Variants in HCN1 observed in about 807,000 individuals in gnomAD.
The protein encoded by HCN1 is potassium/sodium hyperpolarization-activated cyclic nucleotide-gated channel 1.
HCN1 carries 13 observed loss-of-function variants against 78.9 expected under a neutral mutation model. The ratio of observed to expected loss-of-function variants is 0.16; its 90% CI spans 0.11 to 0.26. The LOEUF (loss-of-function observed/expected upper bound fraction) is 0.26. Ranked by LOEUF, HCN1 falls within the 10% of genes least tolerant of loss-of-function variation. The pLI is 1.00. For synonymous variants in HCN1, 552 were observed against 455.5 expected, an observed-to-expected ratio of 1.21 and a Z score of -2.70; for missense variants, 810 against 1,154.3, an observed-to-expected ratio of 0.70 and a Z score of 4.32.
chr5:45,312,732 C>A (rs1561100552), intron 5 of HCN1, among the ~76,000 whole-genome samples: 2 of 152,194 alleles, frequency 1.3e-5, no homozygotes, highest in African/African-American at 4.8e-5. Context: ...CCGCACCTGG[C>A]TCAGGGGGTC....
chr5:45,688,847 G>GA (rs1437191302), intron 1 of HCN1, among the ~76,000 whole-genome samples: 9 of 151,964 alleles, frequency 5.9e-5, no homozygotes, highest in African/African-American at 2.2e-4. Context: ...AATGAACCTT[G>GA]AAAAAACATT....
intron 2 of HCN1, among the ~76,000 whole-genome samples, chr5:45,635,300 A>G (rs753443799): frequency 9.9e-5 from 15 of 152,054 alleles, no homozygotes; most frequent in Non-Finnish European, 2.1e-4. Context: ...CCTGATTCTC[A>G]TTTCAGAATT....
intron 4 of HCN1, among the ~76,000 whole-genome samples, chr5:45,381,280 T>C (rs1747802188): frequency 6.6e-6 from 1 of 152,096 alleles, no homozygotes; most frequent in African/African-American, 2.4e-5. Flanking sequence ...CGATATAAGA[T>C]AGGAAAACAA....
intron 4 of HCN1, among the ~76,000 whole-genome samples, chr5:45,374,206 CATAT>C: frequency 1.1e-5 from 1 of 93,644 alleles, no homozygotes; most frequent in African/African-American, 3.8e-5. Context: ...ATATACATAA[CATAT>C]ATATTATGTA....
chr5:45,440,371 T>C (rs986353805), intron 3 of HCN1, among the ~76,000 whole-genome samples: 4 of 151,962 alleles, frequency 2.6e-5, no homozygotes, highest in Non-Finnish European at 4.4e-5. Context: ...GTGAATAATT[T>C]CCCCCCTAGA....
chr5:45,458,021 A>G (rs1359352361), intron 3 of HCN1, among the ~76,000 whole-genome samples: 1 of 152,138 alleles, frequency 6.6e-6, no homozygotes, highest in East Asian at 1.9e-4. Context: ...ATTTAAATAA[A>G]AACTTTAATG....
rs139106188 is a variant in HCN1 at position 45,295,483 on chromosome 5, T to A, written c.1618+8116A>T. Among the ~76,000 whole-genome samples, 432 of 152,102 alleles carry A rather than the reference T, an allele frequency of 2.8e-3. 3 individuals carry two copies. Among genetic ancestry groups the A allele is most frequent in the Non-Finnish European group, 4.0e-3 (270 of 67,946 alleles). On this transcript the variant is annotated intron_variant, in intron 6 of 7. Coordinates refer to ENST00000303230, the MANE Select transcript of HCN1 (RefSeq NM_021072.4). ...TACGTAAGACCTCTGCTAAGAAGAC[T>A]GGATGAGGTGGTGCATGAGTCACAT...
chr5:45,281,139 T>C (rs1436768708), intron 6 of HCN1, among the ~76,000 whole-genome samples: 1 of 152,128 alleles, frequency 6.6e-6, no homozygotes, highest in African/African-American at 2.4e-5. Flanking sequence ...GTTGATATGG[T>C]TTGGCTCTGT....
intron 6 of HCN1, among the ~76,000 whole-genome samples, chr5:45,297,951 A>C (rs1745532683): frequency 6.6e-6 from 1 of 150,740 alleles, no homozygotes; most frequent in African/African-American, 2.5e-5. Context: ...GCTGTAATGA[A>C]GGATAACTTT....
intron 2 of HCN1, among the ~76,000 whole-genome samples, chr5:45,613,946 G>T (rs1448067929): frequency 2.6e-5 from 4 of 151,934 alleles, no homozygotes; most frequent in African/African-American, 9.7e-5. Context: ...AGTGTAGGGA[G>T]AAATGGTTAC....
chr5:45,475,683 A>C (rs571021504), intron 2 of HCN1, among the ~76,000 whole-genome samples: 1 of 152,264 alleles, frequency 6.6e-6, no homozygotes, highest in East Asian at 1.9e-4. Context: ...TTTTCTGCTA[A>C]ATTCAGCATT....
chr5:45,375,778 T>A (rs1445830990), intron 4 of HCN1, among the ~76,000 whole-genome samples: 1 of 104,024 alleles, frequency 9.6e-6, no homozygotes, highest in Non-Finnish European at 1.8e-5. Context: ...ATATCTTATA[T>A]ATAATATAAT....
In HCN1 at chr5:45,309,690, C is replaced by T. The variant is rs576690054; in HGVS notation, c.1378-5851G>A. Among the ~76,000 whole-genome samples the T allele has an allele frequency of 1.7e-3, 253 of 152,146 alleles. 2 individuals are homozygous for T. The highest frequency in any genetic ancestry group is 5.4e-3 in the African/African-American group (224 of 41,510). Reference sequence around the variant, plus strand: ...ATTTATTGATTTGTGTATGTTGAACCGACCTTACATCCAGGGGATGAAGCC... The same window carrying T: ...ATTTATTGATTTGTGTATGTTGAACTGACCTTACATCCAGGGGATGAAGCC... On this transcript the variant is annotated intron_variant, in intron 5 of 7. Coordinates refer to ENST00000303230, the MANE Select transcript of HCN1 (RefSeq NM_021072.4).
At chr5:45,621,733 A>G (rs773942865) in intron 2 of HCN1, among the ~76,000 whole-genome samples, 1 of 152,160 alleles carries the variant, frequency 6.6e-6, no homozygotes, top group Admixed American at 6.5e-5. Flanking sequence ...CAAACCTTTC[A>G]CCCAAAAAAC....
intron 2 of HCN1, among the ~76,000 whole-genome samples, chr5:45,533,536 C>T (rs1380256357): frequency 3.3e-5 from 5 of 152,186 alleles, no homozygotes; most frequent in African/African-American, 1.2e-4. Flanking sequence ...TATGTACTGA[C>T]TAGCCTTTCC....
chr5:45,365,477 T>C (rs1747216086), intron 4 of HCN1, among the ~76,000 whole-genome samples: 1 of 151,976 alleles, frequency 6.6e-6, no homozygotes, highest in East Asian at 1.9e-4. Flanking sequence ...GTATTTCACT[T>C]AGAATAATGG....
At chr5:45,544,971 G>A (rs1263128517) in intron 2 of HCN1, among the ~76,000 whole-genome samples, 1 of 152,028 alleles carries the variant, frequency 6.6e-6, no homozygotes, top group African/African-American at 2.4e-5. Context: ...ACCAGTAATG[G>A]GATGGCTGGG....
intron 6 of HCN1, among the ~76,000 whole-genome samples, chr5:45,267,634 G>T (rs1744886542): frequency 6.6e-6 from 1 of 152,078 alleles, no homozygotes; most frequent in African/African-American, 2.4e-5. Flanking sequence ...TGGGCTTGGT[G>T]GCAGGCGCCT....
chr5:45,687,280 G>A (rs982573044), intron 1 of HCN1, among the ~76,000 whole-genome samples: 2 of 152,180 alleles, frequency 1.3e-5, no homozygotes. Flanking sequence ...AAGTTCCTCA[G>A]AACAGACATT....
Sources: gnomAD v4.1 joint callset for allele counts (sites outside exome capture counted in the v4.1 genomes callset) on GRCh38, gnomAD v4.1.1 for gene constraint, MANE v1.5 for transcripts, NCBI Gene and HGNC (gene_info 2026-07-23, HGNC 2026-07-21) for gene names.